RAP1GAP2: variants seen among roughly 807,000 people sequenced by gnomAD.
RAP1GAP2 encodes the protein RAP1 GTPase activating protein 2.
A neutral mutation model predicts 95.0 loss-of-function variants in RAP1GAP2; 27 were observed. The observed-to-expected ratio is 0.28, with a 90% CI of 0.21 to 0.39. The LOEUF (loss-of-function observed/expected upper bound fraction) is 0.39, where lower values mean the gene tolerates loss of function less well. Ranked by LOEUF, RAP1GAP2 falls within the 10% of genes least tolerant of loss-of-function variation. The pLI, the probability that RAP1GAP2 is intolerant of heterozygous loss-of-function variation, is 1.00. For synonymous variants in RAP1GAP2, 373 were observed against 380.9 expected (o/e 0.98, Z 0.24); for missense variants, 771 against 970.0 (o/e 0.79, Z 2.72).
In RAP1GAP2 at chr17:2,980,380, C is replaced by T. The variant is rs992226897; in HGVS notation, c.675+15C>T. The T allele has an allele frequency of 4.3e-6, 7 of 1,612,850 alleles. No homozygotes were observed. Among genetic ancestry groups the T allele is most frequent in the South Asian group, 2.2e-5 (2 of 91,044 alleles). On this transcript the variant is annotated intron_variant, in intron 9 of 24. Coordinates refer to ENST00000254695, the MANE Select transcript of RAP1GAP2 (RefSeq NM_015085.5). Reference sequence around the variant, plus strand: ...AGATTGCAAAGGTGAGAAACCAACCCGTGAGAGATGGTGGCTTCCTCTCTC... The same window carrying T: ...AGATTGCAAAGGTGAGAAACCAACCTGTGAGAGATGGTGGCTTCCTCTCTC...
intron 3 of RAP1GAP2, among the ~76,000 whole-genome samples, chr17:2,942,487 C>CA (rs1567803771): frequency 2.0e-5 from 3 of 152,018 alleles, no homozygotes; most frequent in African/African-American, 4.8e-5. Context: ...GAGACTCACA[C>CA]AAAAAATTGG....
intron 8 of RAP1GAP2, among the ~76,000 whole-genome samples, chr17:2,980,035 G>C (rs964111863): frequency 6.6e-6 from 1 of 151,606 alleles, no homozygotes; most frequent in Non-Finnish European, 1.5e-5. Flanking sequence ...CCGTCTCCCG[G>C]GTTCAAGCGA....
At chr17:2,890,673 G>A (rs17762380) in intron 2 of RAP1GAP2, among the ~76,000 whole-genome samples, 22,285 of 150,308 alleles carry the variant, frequency 0.15, 1,787 homozygotes, top group Non-Finnish European at 0.19. Context: ...CCAATTCAAT[G>A]GTCAGTGTTT....
chr17:2,820,910 G>GTTTTT (rs2070272416), intron 2 of RAP1GAP2, among the ~76,000 whole-genome samples: 1 of 63,164 alleles, frequency 1.6e-5, no homozygotes, highest in African/African-American at 5.4e-5. Context: ...TTTTTTTTTT[G>GTTTTT]TATTTTTAGT....
chr17:2,958,155 A>G (rs1212789612), intron 4 of RAP1GAP2, among the ~76,000 whole-genome samples: 3 of 152,066 alleles, frequency 2.0e-5, no homozygotes, highest in Admixed American at 2.0e-4. Flanking sequence ...GTCATCTTGC[A>G]TAGGGAGGCA....
intron 9 of RAP1GAP2, among the ~76,000 whole-genome samples, chr17:2,980,638 G>C (rs189278684): frequency 9.4e-4 from 143 of 152,332 alleles, no homozygotes; most frequent in African/African-American, 3.2e-3. Flanking sequence ...TTCACAGCTA[G>C]TTTGGGAAGT....
In RAP1GAP2 at chr17:3,033,699, G is replaced by C. The variant is rs947274709; in HGVS notation, c.*338G>C. 6 of 152,694 alleles carry C rather than the reference G, an allele frequency of 3.9e-5. No individual in the cohort carries two copies. The highest frequency in any genetic ancestry group is 5.8e-5 in the Non-Finnish European group (4 of 68,406). The allele number at this position is 152,694 out of a possible 1,614,324, so 9.5% of individuals were successfully genotyped here. A position where few individuals can be genotyped will look rare whatever the true frequency, so the allele number is the denominator to read the frequency against. ...AAAAGTGTCGGGCAAAGGGGGATCT[G>C]GGGGGAGCTCAGCAGTGACTGGGGA... is the stretch of plus-strand genomic sequence containing the variant. On this transcript the variant is annotated 3_prime_UTR_variant, in exon 25 of 25. Coordinates refer to ENST00000254695, the MANE Select transcript of RAP1GAP2 (RefSeq NM_015085.5). The surrounding 1 kb of genome is among the most constrained non-coding windows in gnomAD (Gnocchi z 4.9).
At chr17:3,013,356 G>GC (rs1402479744) in intron 17 of RAP1GAP2, among the ~76,000 whole-genome samples, 4 of 152,186 alleles carry the variant, frequency 2.6e-5, no homozygotes, top group Non-Finnish European at 5.9e-5. Context: ...TGTCAGGATG[G>GC]CCCCGCTGTT....
At chr17:2,876,705 G>T (rs574391370) in intron 2 of RAP1GAP2, among the ~76,000 whole-genome samples, 1 of 152,194 alleles carries the variant, frequency 6.6e-6, no homozygotes, top group Non-Finnish European at 1.5e-5. Flanking sequence ...CTGTGCTGAT[G>T]TTGATGCTGG....
intron 19 of RAP1GAP2, among the ~76,000 whole-genome samples, chr17:3,022,348 G>T (rs754151174): frequency 6.6e-6 from 1 of 152,194 alleles, no homozygotes; most frequent in Non-Finnish European, 1.5e-5. Flanking sequence ...TTGGAAAACA[G>T]TCTGGCAGTT....
In RAP1GAP2 at chr17:3,029,558, A is replaced by G. The variant is rs1472260141; in HGVS notation, c.2108-1364A>G. On this transcript the variant is annotated intron_variant, in intron 22 of 24. Transcript: ENST00000254695. This position sits in a 1 kb window ranked among gnomAD's most constrained non-coding sequence, Gnocchi z 4.4. ...ACGTACAGTCTCCATAATGTCAGATATCTGATCATGGTCATTTCCTACCTG... is the reference window on the plus strand; with the variant it reads ...ACGTACAGTCTCCATAATGTCAGATGTCTGATCATGGTCATTTCCTACCTG... Among the ~76,000 whole-genome samples, 2 of 152,096 alleles carry G rather than the reference A, an allele frequency of 1.3e-5. No homozygotes were observed. The highest frequency in any genetic ancestry group is 3.9e-4 in the East Asian group (2 of 5,194).
chr17:3,016,735 TCC>T, intron 17 of RAP1GAP2, among the ~76,000 whole-genome samples: 1 of 91,268 alleles, frequency 1.1e-5, no homozygotes, highest in Non-Finnish European at 2.3e-5. Context: ...CTGGGCTGTC[TCC>T]TCAGAGCCCT....
At chr17:3,009,890 A>T (rs959542980) in intron 17 of RAP1GAP2, among the ~76,000 whole-genome samples, 5 of 152,080 alleles carry the variant, frequency 3.3e-5, no homozygotes, top group African/African-American at 1.2e-4. Flanking sequence ...GAGATGCGGT[A>T]AACAGGAAAA....
At chr17:3,013,516 C>G (rs2046637147) in intron 17 of RAP1GAP2, among the ~76,000 whole-genome samples, 1 of 152,138 alleles carries the variant, frequency 6.6e-6, no homozygotes, top group Non-Finnish European at 1.5e-5. Flanking sequence ...TCACACTTAC[C>G]CAGCCTGCCG....
At chr17:2,979,315 T>C (rs1048716973) in intron 8 of RAP1GAP2, among the ~76,000 whole-genome samples, 4 of 152,178 alleles carry the variant, frequency 2.6e-5, no homozygotes, top group African/African-American at 7.2e-5. Context: ...AAAGGTTTAA[T>C]TTCATGACGA....
At chr17:2,936,836 T>C (rs1196297299) in intron 3 of RAP1GAP2, among the ~76,000 whole-genome samples, 1 of 152,222 alleles carries the variant, frequency 6.6e-6, no homozygotes, top group Non-Finnish European at 1.5e-5. Context: ...CCCAGGCAGC[T>C]GTGGGCTTTA....
intron 2 of RAP1GAP2, among the ~76,000 whole-genome samples, chr17:2,826,824 G>A (rs1419584208): frequency 6.6e-6 from 1 of 152,118 alleles, no homozygotes; most frequent in African/African-American, 2.4e-5. Flanking sequence ...TGGCCAACAT[G>A]GCGAAACCCC....
intron 2 of RAP1GAP2, among the ~76,000 whole-genome samples, chr17:2,833,236 G>C (rs2070973837): frequency 6.7e-6 from 1 of 150,116 alleles, no homozygotes; most frequent in South Asian, 2.1e-4. Context: ...TCTGCCTCCT[G>C]GGTTCAAGCG....
In RAP1GAP2 at chr17:2,985,605, C is replaced by T. The variant is rs574005878; in HGVS notation, c.813+539C>T. On this transcript the variant is annotated intron_variant, in intron 11 of 24. Coordinates refer to ENST00000254695, the MANE Select transcript of RAP1GAP2 (RefSeq NM_015085.5). ...GTTTCTATCTTCCTCCTTTGGAGAG[C>T]CAGTGACTCAAAATATGCCAGCACA... Among the ~76,000 whole-genome samples, 67 of 152,338 alleles carry T rather than the reference C, an allele frequency of 4.4e-4. No homozygotes were observed. The South Asian group carries it at 9.1e-3, about 21-fold the overall frequency.
Sources: allele counts gnomAD v4.1 joint callset (sites outside exome capture counted in the v4.1 genomes callset), GRCh38; gene constraint gnomAD v4.1.1; non-coding constraint Gnocchi (gnomAD v3.1); transcripts MANE v1.5; gene names NCBI Gene and HGNC (gene_info 2026-07-23, HGNC 2026-07-21).